The following UGT8 variants were observed in gnomAD, a reference collection of about 807,000 sequenced individuals.
UGT8 encodes UDP glycosyltransferase 8.
A neutral mutation model predicts 40.5 loss-of-function variants in UGT8; 12 were observed. That is an observed-to-expected ratio of 0.30 (90% CI 0.19 to 0.48). UGT8 has a LOEUF of 0.48. Among genes scored for constraint, UGT8 ranks in the 20% least tolerant of loss-of-function variants. The pLI is 0.99. For synonymous variants in UGT8, 224 were observed against 240.4 expected (o/e 0.93, Z 0.63); for missense variants, 513 against 648.7 (o/e 0.79, Z 2.27).
chr4:114,640,455 A>AT (rs35262358), intron 2 of UGT8, among the ~76,000 whole-genome samples: 16,159 of 152,208 alleles, frequency 0.11, 1,258 homozygotes, highest in Non-Finnish European at 0.14. Context: ...AAAATAAGAG[A>AT]TTTTTTTAAG....
At chr4:114,611,441 TATATAC>T (rs1292558631) in intron 1 of UGT8, among the ~76,000 whole-genome samples, 1 of 113,072 alleles carries the variant, frequency 8.8e-6, no homozygotes, top group Admixed American at 9.2e-5. Context: ...TATATATATA[TATATAC>T]ACACACACAC....
Position 114,675,954 on chromosome 4 carries a change from A to G in UGT8, c.1292A>G (p.Glu431Gly), listed in dbSNP as rs1425435512. 6.2e-7 allele frequency: 1 copy of G among 1,613,748 alleles called. No individual in the cohort carries two copies. The highest frequency in any genetic ancestry group is 8.5e-7 in the Non-Finnish European group (1 of 1,179,750). Residue 431 changes from glutamate (E) to glycine (G), a missense_variant, in exon 6 of 6, where the codon GAA becomes GGA. By Grantham distance (98) the Glu-to-Gly change is moderately conservative. Around this residue, in one of 3 missense-constraint regions of UGT8, gnomAD observed 175 missense variants for 186.7 expected, o/e 0.94. Coordinates refer to ENST00000310836, the MANE Select transcript of UGT8 (RefSeq NM_001128174.3). Reference sequence around the variant, plus strand: ...CGTCAGAGGGCTCAGAAGCTTTCGGAAATTCACAAGGATCAACCTGGTCAC... The same window carrying G: ...CGTCAGAGGGCTCAGAAGCTTTCGGGAATTCACAAGGATCAACCTGGTCAC... ...SYRQRAQKLS[E>G]IHKDQPGHPV...
chr4:114,665,143 T>G (rs1691549400), intron 3 of UGT8, among the ~76,000 whole-genome samples: 1 of 152,230 alleles, frequency 6.6e-6, no homozygotes, highest in South Asian at 2.1e-4. Context: ...TGTTTTATCT[T>G]TTAAAGATCA....
intron 2 of UGT8, among the ~76,000 whole-genome samples, chr4:114,641,786 T>C (rs1733239908): frequency 6.6e-6 from 1 of 152,202 alleles, no homozygotes; most frequent in South Asian, 2.1e-4. Flanking sequence ...CAAACTTGAA[T>C]AAATTATAAG....
intron 2 of UGT8, among the ~76,000 whole-genome samples, chr4:114,644,699 AT>A (rs1339807311): frequency 1.2e-4 from 18 of 152,178 alleles, no homozygotes; most frequent in African/African-American, 4.1e-4. Context: ...GCTGCCTAAA[AT>A]GTTCTATCCC....
chr4:114,663,251 G>T (rs929896739), intron 2 of UGT8, among the ~76,000 whole-genome samples: 1 of 152,012 alleles, frequency 6.6e-6, no homozygotes, highest in Non-Finnish European at 1.5e-5. Context: ...AGACCTGCAG[G>T]GTCTATGAGA....
chr4:114,660,313 C>T lies in UGT8; in HGVS notation c.823-3682C>T, dbSNP rs115272145. ...TAAATATTAATGAAATATTAAATAT[C>T]GACAGAGTCGATATAGACAATATGA... is the stretch of plus-strand genomic sequence containing the variant. On this transcript the variant is annotated intron_variant, in intron 2 of 5. Transcript: ENST00000310836. 2.9e-3 allele frequency among the ~76,000 whole-genome samples: 442 copies of T among 151,978 alleles called. 5 individuals are homozygous for T. The highest frequency in any genetic ancestry group is 1.0e-2 in the African/African-American group (412 of 41,382).
At chr4:114,665,974 C>T (rs1466692973) in intron 4 of UGT8, among the ~76,000 whole-genome samples, 2 of 151,740 alleles carry the variant, frequency 1.3e-5, no homozygotes, top group South Asian at 2.1e-4. Context: ...AAATGTAAAC[C>T]TTTGGGCCTC....
At chr4:114,623,812 T>C in intron 2 of UGT8, 110 bp downstream of exon 2, 1 of 1,364,174 alleles carries the variant, frequency 7.3e-7, no homozygotes, top group Non-Finnish European at 9.6e-7. Context: ...TACAGTACAC[T>C]AAAAGGTGAT....
intron 2 of UGT8, among the ~76,000 whole-genome samples, chr4:114,651,853 A>G (rs767456655): frequency 2.0e-5 from 3 of 152,126 alleles, no homozygotes; most frequent in African/African-American, 4.8e-5. Flanking sequence ...ATTGGAATAA[A>G]CTCTTATGAG....
intron 3 of UGT8, 70 bp downstream of exon 3, chr4:114,664,207 C>A: frequency 6.6e-7 from 1 of 1,507,680 alleles, no homozygotes; most frequent in African/African-American, 1.4e-5. Context: ...GCACAGGTCC[C>A]AGTAAAGCAC....
chr4:114,605,893 G>A, intron 1 of UGT8, among the ~76,000 whole-genome samples: 1 of 152,152 alleles, frequency 6.6e-6, no homozygotes, highest in East Asian at 1.9e-4. Flanking sequence ...TTTTCTGTAT[G>A]TTAGAAATAG....
intron 2 of UGT8, among the ~76,000 whole-genome samples, chr4:114,647,203 T>C (rs1430145305): frequency 2.0e-5 from 3 of 152,168 alleles, no homozygotes; most frequent in Non-Finnish European, 2.9e-5. Flanking sequence ...ATAAAAGATG[T>C]CAACTGCTTC....
At chr4:114,620,389 GT>G (rs1403609787) in intron 1 of UGT8, among the ~76,000 whole-genome samples, 1 of 152,172 alleles carries the variant, frequency 6.6e-6, no homozygotes, top group African/African-American at 2.4e-5. Flanking sequence ...ATATTTCCTT[GT>G]AAAATATCTC....
rs140949530 is a variant in UGT8 at position 114,625,204 on chromosome 4, T to C, written c.822+1502T>C. 2.4e-3 allele frequency among the ~76,000 whole-genome samples: 363 copies of C among 152,152 alleles called. 1 individual carries two copies. The highest frequency in any genetic ancestry group is 8.0e-3 in the African/African-American group (334 of 41,508). The stretch of plus-strand genomic sequence containing the variant: ...ATGTCTCTCTTCTTCAGTCACTTGA[T>C]TGAAGAAGAAGTATATGATGAAAAG... On this transcript the variant is annotated intron_variant, in intron 2 of 5. Transcript: ENST00000310836.
rs1334550103 is a variant in UGT8 at position 114,659,558 on chromosome 4, C to A, written c.823-4437C>A. Among the ~76,000 whole-genome samples, 6 of 152,096 alleles carry A rather than the reference C, an allele frequency of 3.9e-5. No individual in the cohort carries two copies. The East Asian group carries it at 1.2e-3, about 29-fold the overall frequency. ...GGATTGGGCATGTAAGCAGGTTGAG[C>A]CCAGATGTCGCTCCATTCCTGTCCT... On this transcript the variant is annotated intron_variant, in intron 2 of 5. Coordinates refer to ENST00000310836, the MANE Select transcript of UGT8 (RefSeq NM_001128174.3).
At chr4:114,601,960 G>C (rs572635336) in intron 1 of UGT8, among the ~76,000 whole-genome samples, 1 of 151,974 alleles carries the variant, frequency 6.6e-6, no homozygotes, top group Non-Finnish European at 1.5e-5. Flanking sequence ...GCTATTGCCC[G>C]AGTGTAAATC....
intron 1 of UGT8, among the ~76,000 whole-genome samples, chr4:114,610,672 G>A (rs1290784038): frequency 4.6e-5 from 7 of 152,060 alleles, no homozygotes; most frequent in Admixed American, 2.6e-4. Flanking sequence ...AGTGATGATG[G>A]TAGAATTTTA....
At chr4:114,609,108 C>G (rs962285655) in intron 1 of UGT8, among the ~76,000 whole-genome samples, 1 of 152,034 alleles carries the variant, frequency 6.6e-6, no homozygotes, top group Non-Finnish European at 1.5e-5. Flanking sequence ...TGGTGCAGGT[C>G]TGAGGTCCAG....
Sources: allele counts gnomAD v4.1 joint callset (sites outside exome capture counted in the v4.1 genomes callset), GRCh38; gene constraint gnomAD v4.1.1; regional missense constraint gnomAD v4.1.1; transcripts MANE v1.5; gene names NCBI Gene and HGNC (gene_info 2026-07-23, HGNC 2026-07-21).